Variants in PIK3C2A observed in about 807,000 individuals in gnomAD.
The protein encoded by PIK3C2A is phosphatidylinositol-4-phosphate 3-kinase catalytic subunit type 2 alpha.
Under a neutral mutation model 204.5 loss-of-function variants are expected in PIK3C2A, and 97 were observed. The ratio of observed to expected loss-of-function variants is 0.47; its 90% CI spans 0.40 to 0.56. The LOEUF is 0.56. PIK3C2A is among the 20% of genes least tolerant of loss of function. The probability of loss-of-function intolerance (pLI) is 0.00; values close to 1 mark genes in which losing one functional copy is unlikely to be tolerated. For missense variants in PIK3C2A, 1,735 were observed against 1,969.2 expected (o/e 0.88, Z 2.25); for synonymous variants, 653 against 664.4 (o/e 0.98, Z 0.26).
chr11:17,094,240 T>C (rs1848391455), intron 28 of PIK3C2A, 21 bp downstream of exon 28: 1 of 1,568,930 alleles, frequency 6.4e-7, no homozygotes, highest in African/African-American at 1.4e-5. Context: ...AAAGGATTAA[T>C]GTACAAGGAT....
In PIK3C2A at chr11:17,087,666, A is replaced by T. The variant is rs1565230415; in HGVS notation, c.*2072T>A. ...GTTTGTTTTTAAATTACAGTGGCTA[A>T]GTGATAACTGGTGGAATGGAATTCG... On this transcript the variant is annotated 3_prime_UTR_variant, in exon 33 of 33. Coordinates refer to ENST00000691414, the MANE Select transcript of PIK3C2A (RefSeq NM_002645.4). The T allele has an allele frequency of 6.6e-6, 1 of 152,256 alleles. No homozygotes were observed. The allele number at this position is 152,256 out of a possible 1,614,324, so 9.4% of individuals were successfully genotyped here.
intron 6 of PIK3C2A, among the ~76,000 whole-genome samples, chr11:17,146,764 A>T (rs1490563364): frequency 6.6e-6 from 1 of 152,122 alleles, no homozygotes; most frequent in Non-Finnish European, 1.5e-5. Flanking sequence ...GAAACTAAGA[A>T]GAAAAGTTAC....
At chr11:17,136,873 A>G (rs1849890586) in intron 8 of PIK3C2A, among the ~76,000 whole-genome samples, 2 of 152,274 alleles carry the variant, frequency 1.3e-5, no homozygotes, top group African/African-American at 4.8e-5. Flanking sequence ...ATTTTACATT[A>G]GAATCAGAAG....
chr11:17,122,267 G>A lies in PIK3C2A; in HGVS notation c.2578C>T (p.Gln860Ter). 2 of 1,520,640 alleles carry A rather than the reference G, an allele frequency of 1.3e-6. No individual in the cohort carries two copies. Among genetic ancestry groups the A allele is most frequent in the South Asian group, 1.1e-5 (1 of 88,922 alleles). 94.2% of individuals were successfully genotyped at this position (1,520,640 alleles called of 1,614,324 possible). A position where few individuals can be genotyped will look rare whatever the true frequency, so the allele number is the denominator to read the frequency against. The change falls in exon 15 of 33, where the codon CAG becomes TAG. Residue 860 changes from glutamine to a stop codon, truncating the protein, a stop_gained. Coordinates refer to ENST00000691414, the MANE Select transcript of PIK3C2A (RefSeq NM_002645.4). LOFTEE classifies it high-confidence loss of function. ...TCTAGTGTTTCTAAGTTATGTTGCT[G>A]TATAATGCTTCTGTCAACTTGAGGA... ...TTPQVDRSII[Q>*]QHNLETLEND...
At chr11:17,159,917 GT>G (rs2137460506) in intron 2 of PIK3C2A, among the ~76,000 whole-genome samples, 1 of 152,280 alleles carries the variant, frequency 6.6e-6, no homozygotes, top group African/African-American at 2.4e-5. Flanking sequence ...AGCAGGAGGA[GT>G]TTCCCCCTTA....
At chr11:17,093,652 G>C (rs571683062) in intron 28 of PIK3C2A, among the ~76,000 whole-genome samples, 4 of 150,532 alleles carry the variant, frequency 2.7e-5, no homozygotes, top group African/African-American at 4.9e-5. Context: ...TTTTTTGGGG[G>C]GGGGGGACAG....
chr11:17,134,704 T>C (rs1849813576), intron 11 of PIK3C2A, 115 bp downstream of exon 11: 2 of 756,822 alleles, frequency 2.6e-6, no homozygotes, highest in South Asian at 1.6e-5. Context: ...TGAGGTCTCA[T>C]TGCCAAGGCT....
intron 1 of PIK3C2A, among the ~76,000 whole-genome samples, chr11:17,178,684 G>A (rs1314698728): frequency 6.8e-6 from 1 of 146,352 alleles, no homozygotes; most frequent in African/African-American, 2.6e-5. Context: ...GATTACAGGC[G>A]CTAGCCACCA....
chr11:17,185,065 C>G (rs1204755143), intron 1 of PIK3C2A, among the ~76,000 whole-genome samples: 1 of 152,116 alleles, frequency 6.6e-6, no homozygotes, highest in African/African-American at 2.4e-5. Context: ...TGCATTCACT[C>G]ACTATTCACT....
intron 6 of PIK3C2A, among the ~76,000 whole-genome samples, chr11:17,147,081 G>A (rs926373245): frequency 1.3e-5 from 2 of 152,062 alleles, no homozygotes; most frequent in South Asian, 4.1e-4. Flanking sequence ...TCCACCTACT[G>A]AAAGTAGTGA....
At chr11:17,152,829 GAAGAA>G (rs1335522524) in intron 3 of PIK3C2A, among the ~76,000 whole-genome samples, 22 of 151,958 alleles carry the variant, frequency 1.4e-4, no homozygotes, top group Non-Finnish European at 2.6e-4. Flanking sequence ...AACATAAAAA[GAAGAA>G]AAGAGATAAA....
chr11:17,169,759 A>C lies in PIK3C2A; in HGVS notation c.-18T>G, dbSNP rs1851098987. 1 of 1,537,640 alleles carries C rather than the reference A, an allele frequency of 6.5e-7. No individual in the cohort carries two copies. The highest frequency in any genetic ancestry group is 2.0e-5 in the Admixed American group (1 of 49,732). ...TGAGCCATGTCCACTAAAAAGACCA[A>C]ACCTTCCTTCCTCTATTTTTTTCTT... On this transcript the variant is annotated 5_prime_UTR_variant, in exon 2 of 33. Transcript: ENST00000691414.
chr11:17,095,459 T>C (rs10832734), intron 27 of PIK3C2A, among the ~76,000 whole-genome samples: 85,101 of 146,694 alleles, frequency 0.58, 24,849 homozygotes, highest in East Asian at 0.82. Flanking sequence ...GGCGTGGTGG[T>C]GGGTACCTGT....
At position 17,089,473 on chromosome 11, in the gene PIK3C2A, T is replaced by C. The variant is rs1006119886; in HGVS notation, c.*265A>G. 6.0e-6 allele frequency: 2 copies of C among 333,296 alleles called. No individual in the cohort carries two copies. The highest frequency in any genetic ancestry group is 9.1e-5 in the Admixed American group (2 of 22,000). The allele number at this position is 333,296 out of a possible 1,614,324, so 20.6% of individuals were successfully genotyped here. A position where few individuals can be genotyped will look rare whatever the true frequency, so the allele number is the denominator to read the frequency against. ...TCAAAGTCTTTTTCAGGAATTAGTATATATTAAGTTTAGGGTTTGTAGCAT... is the reference window on the plus strand; with the variant it reads ...TCAAAGTCTTTTTCAGGAATTAGTACATATTAAGTTTAGGGTTTGTAGCAT... On this transcript the variant is annotated 3_prime_UTR_variant, in exon 33 of 33. Coordinates refer to ENST00000691414, the MANE Select transcript of PIK3C2A (RefSeq NM_002645.4).
At chr11:17,178,108 A>AAAAAG (rs1221639954) in intron 1 of PIK3C2A, among the ~76,000 whole-genome samples, 1 of 96,754 alleles carries the variant, frequency 1.0e-5, no homozygotes, top group Non-Finnish European at 2.1e-5. Flanking sequence ...AAAAAAAAAA[A>AAAAAG]AAAAGAAAAA....
At chr11:17,177,041 T>C (rs1309614572) in intron 1 of PIK3C2A, among the ~76,000 whole-genome samples, 8 of 152,140 alleles carry the variant, frequency 5.3e-5, no homozygotes, top group Non-Finnish European at 1.2e-4. Flanking sequence ...ATCTGCTCAG[T>C]CTCACAGCAG....
chr11:17,181,326 C>T (rs2137525500), intron 1 of PIK3C2A, among the ~76,000 whole-genome samples: 1 of 145,614 alleles, frequency 6.9e-6, no homozygotes, highest in African/African-American at 2.6e-5. Flanking sequence ...ATCTAAGAGC[C>T]CCCAGTCACC....
chr11:17,102,629 C>T, intron 24 of PIK3C2A, 33 bp downstream of exon 24: 3 of 1,536,806 alleles, frequency 2.0e-6, no homozygotes, highest in Non-Finnish European at 2.7e-6. Context: ...CAGGAAGTGC[C>T]TCATTTCTTT....
At chr11:17,198,765 T>C (rs945188578) in intron 1 of PIK3C2A, among the ~76,000 whole-genome samples, 1 of 151,672 alleles carries the variant, frequency 6.6e-6, no homozygotes, top group Admixed American at 6.6e-5. Context: ...GAATAGCCAT[T>C]GTATCCCAGC....
Sources: gnomAD v4.1 joint callset for allele counts (sites outside exome capture counted in the v4.1 genomes callset) on GRCh38, gnomAD v4.1.1 for gene constraint, MANE v1.5 for transcripts, NCBI Gene and HGNC (gene_info 2026-07-23, HGNC 2026-07-21) for gene names.